The following PRDM15 variants were observed in gnomAD, a reference collection of about 807,000 sequenced individuals.
PRDM15 encodes the protein PR/SET domain 15.
PRDM15 carries 64 observed loss-of-function variants against 128.6 expected under a neutral mutation model. That is an observed-to-expected ratio of 0.50 (90% CI 0.41 to 0.61). The LOEUF (loss-of-function observed/expected upper bound fraction) is 0.61. Ranked by LOEUF, PRDM15 falls within the 20% of genes least tolerant of loss-of-function variation. The pLI, the probability that PRDM15 is intolerant of heterozygous loss-of-function variation, is 0.00. For synonymous variants in PRDM15, 615 were observed against 621.8 expected, an observed-to-expected ratio of 0.99 and a Z score of 0.16; for missense variants, 1,242 against 1,569.1, an observed-to-expected ratio of 0.79 and a Z score of 3.52.
chr21:41,871,701 A>G (rs1165540741), intron 1 of PRDM15: 2 of 1,464,498 alleles, frequency 1.4e-6, no homozygotes, highest in Non-Finnish European at 1.8e-6. Context: ...CATGACAGAA[A>G]CTAACAGTGG....
intron 23 of PRDM15, among the ~76,000 whole-genome samples, chr21:41,802,003 GCTTC>G (rs2061430099): frequency 6.6e-6 from 1 of 152,184 alleles, no homozygotes; most frequent in Non-Finnish European, 1.5e-5. Context: ...GAAAACAGAT[GCTTC>G]CTTTTCTATC....
At chr21:41,808,909 T>C (rs910828314) in intron 21 of PRDM15, among the ~76,000 whole-genome samples, 49 of 152,236 alleles carry the variant, frequency 3.2e-4, no homozygotes, top group Non-Finnish European at 8.8e-5. Flanking sequence ...CGAGAAATGC[T>C]GTGATGCTGC....
At chr21:41,834,399 TG>T (rs2062798454) in intron 11 of PRDM15, 1 of 1,027,922 alleles carries the variant, frequency 9.7e-7, no homozygotes, top group East Asian at 2.6e-5. Context: ...GCAGGTGCCC[TG>T]TTCTCAACAC....
chr21:41,869,484 T>C lies in PRDM15; in HGVS notation c.-9-9112A>G, dbSNP rs13048222. ...GAGACATGGTGGAGTTTCACTGTTA[T>C]TGCCCAGGCTGGGGTCCAATGGTGC... is the stretch of plus-strand genomic sequence containing the variant. On this transcript the variant is annotated intron_variant, in intron 1 of 23. Coordinates refer to ENST00000398548, the MANE Select transcript of PRDM15 (RefSeq NM_001040424.3). Among the ~76,000 whole-genome samples the C allele has an allele frequency of 6.8e-3, 1,030 of 151,644 alleles. 6 individuals are homozygous for C. Among genetic ancestry groups the C allele is most frequent in the Middle Eastern group, 0.017 (5 of 294 alleles).
chr21:41,874,428 C>T (rs1008566045), intron 1 of PRDM15, among the ~76,000 whole-genome samples: 5 of 150,696 alleles, frequency 3.3e-5, no homozygotes, highest in South Asian at 4.2e-4. Context: ...GACCTCTTGC[C>T]TAACGTGGTG....
chr21:41,869,402 T>A (rs867574203), intron 1 of PRDM15, among the ~76,000 whole-genome samples: 31 of 151,542 alleles, frequency 2.0e-4, no homozygotes, highest in Middle Eastern at 3.5e-3. Context: ...TGCCTCAGCC[T>A]TCCGAGTTGT....
intron 21 of PRDM15, among the ~76,000 whole-genome samples, chr21:41,806,498 CCACCATCACCAT>C (rs1391970417): frequency 1.4e-5 from 1 of 69,330 alleles, no homozygotes; most frequent in African/African-American, 7.2e-5. Context: ...ACCACCATCA[CCACCATCACCAT>C]CACCACCACC....
intron 5 of PRDM15, among the ~76,000 whole-genome samples, chr21:41,849,509 A>G (rs1214578488): frequency 6.6e-6 from 1 of 152,038 alleles, no homozygotes; most frequent in Non-Finnish European, 1.5e-5. Context: ...TGGAGGTTGC[A>G]GTGAGCCAAG....
intron 3 of PRDM15, among the ~76,000 whole-genome samples, chr21:41,858,658 G>A (rs560285869): frequency 8.9e-4 from 136 of 152,336 alleles, no homozygotes; most frequent in Non-Finnish European, 1.2e-3. Flanking sequence ...GCAGGAGGCC[G>A]CTGAGACAAG....
In PRDM15 at chr21:41,836,574, G is replaced by C. The variant is rs201685682; in HGVS notation, c.1077C>G (p.Arg359=). The C allele has an allele frequency of 6.2e-7, 1 of 1,613,504 alleles. No individual in the cohort carries two copies. The highest frequency in any genetic ancestry group is 2.2e-5 in the East Asian group (1 of 44,780). ...LILSSRHGIR[R]KLIKQLGEHK... ...GCTCCCCGAGCTGTTTGATGAGCTT[G>C]CGCCGGATGCCGTGTCTGCTTGAGA... The change falls in exon 9 of 24, where the codon CGC becomes CGG. Residue 359 remains arginine, a synonymous_variant. Coordinates refer to ENST00000398548, the MANE Select transcript of PRDM15 (RefSeq NM_001040424.3).
rs749765454 is a variant in PRDM15 at position 41,835,473 on chromosome 21, T to C, written c.1330A>G (p.Ile444Val). The C allele has an allele frequency of 3.7e-6, 6 of 1,610,518 alleles. No individual in the cohort carries two copies. The Admixed American group carries it at 6.7e-5, about 18-fold the overall frequency. Reference sequence around the variant, plus strand: ...TTGTGGAACTCCAGCGCGCTCTCGATGCGGAAGGTCTTCTCACAAGTGCCG... The same window carrying C: ...TTGTGGAACTCCAGCGCGCTCTCGACGCGGAAGGTCTTCTCACAAGTGCCG... ...RCGTCEKTFRIESALEFHNCR... is the reference protein window; with the variant it reads ...RCGTCEKTFRVESALEFHNCR... The change falls in exon 11 of 24, where the codon ATC becomes GTC. Residue 444 changes from isoleucine to valine, a missense_variant. Ile to Val is a conservative substitution (Grantham distance 29). Around this residue, in one of 3 missense-constraint regions of PRDM15, gnomAD observed 612 missense variants for 717.0 expected, o/e 0.85. Coordinates refer to ENST00000398548, the MANE Select transcript of PRDM15 (RefSeq NM_001040424.3).
At chr21:41,842,949 T>C (rs1368555578) in intron 6 of PRDM15, among the ~76,000 whole-genome samples, 1 of 152,018 alleles carries the variant, frequency 6.6e-6, no homozygotes, top group African/African-American at 2.4e-5. Context: ...CACACCTGGC[T>C]AATTTTTGTA....
rs551600427 is a variant in PRDM15 at position 41,816,211 on chromosome 21, G to A, written c.2261-375C>T. ...AGGTTCCCTTCAACCTTGACAATAT[G>A]AGTGGTGATTGGGATTCGGACGCGA... On this transcript the variant is annotated intron_variant, in intron 18 of 23. Coordinates refer to ENST00000398548, the MANE Select transcript of PRDM15 (RefSeq NM_001040424.3). Among the ~76,000 whole-genome samples, 5 of 152,372 alleles carry A rather than the reference G, an allele frequency of 3.3e-5. No individual in the cohort carries two copies. The South Asian group carries it at 8.3e-4, about 25-fold the overall frequency.
intron 1 of PRDM15, among the ~76,000 whole-genome samples, chr21:41,876,843 G>A (rs965068528): frequency 6.6e-6 from 1 of 152,090 alleles, no homozygotes; most frequent in Admixed American, 6.5e-5. Context: ...CTCCCCTTCT[G>A]CCTCCGAGTT....
intron 1 of PRDM15, among the ~76,000 whole-genome samples, chr21:41,865,463 G>C (rs1490804869): frequency 6.6e-6 from 1 of 152,108 alleles, no homozygotes; most frequent in Non-Finnish European, 1.5e-5. Flanking sequence ...CACGGGACAG[G>C]TCAACGTCTG....
At chr21:41,863,592 G>A (rs546974518) in intron 1 of PRDM15, among the ~76,000 whole-genome samples, 14 of 152,048 alleles carry the variant, frequency 9.2e-5, no homozygotes, top group Non-Finnish European at 1.3e-4. Context: ...TAACCTGGTG[G>A]TAAACGGGAA....
intron 3 of PRDM15, among the ~76,000 whole-genome samples, chr21:41,858,397 A>G (rs1297711909): frequency 6.7e-6 from 1 of 150,230 alleles, no homozygotes; most frequent in East Asian, 2.0e-4. Context: ...GGCCCCTCCG[A>G]CAGAGGCGGA....
intron 1 of PRDM15, among the ~76,000 whole-genome samples, chr21:41,871,247 A>T (rs1385481525): frequency 1.3e-5 from 2 of 152,098 alleles, no homozygotes; most frequent in East Asian, 3.9e-4. Context: ...CTCATTTCCC[A>T]TTAAATACAA....
intron 13 of PRDM15, 63 bp downstream of exon 13, chr21:41,825,897 G>A: frequency 7.9e-7 from 1 of 1,260,988 alleles, no homozygotes; most frequent in African/African-American, 1.5e-5. Flanking sequence ...AGCTCATAGA[G>A]TCTTAACTGA....
Sources: allele counts gnomAD v4.1 joint callset (sites outside exome capture counted in the v4.1 genomes callset), GRCh38; gene constraint gnomAD v4.1.1; regional missense constraint gnomAD v4.1.1; transcripts MANE v1.5; gene names NCBI Gene and HGNC (gene_info 2026-07-23, HGNC 2026-07-21).